MAST4: variants seen among roughly 807,000 people sequenced by gnomAD.
The protein encoded by MAST4 is microtubule associated serine/threonine kinase family member 4, also known as microtubule-associated serine/threonine-protein kinase 4.
A neutral mutation model predicts 162.7 loss-of-function variants in MAST4; 89 were observed. That is an observed-to-expected ratio of 0.55 (90% CI 0.46 to 0.65). The LOEUF (loss-of-function observed/expected upper bound fraction) is 0.65, where lower values mean the gene tolerates loss of function less well. Among genes scored for constraint, MAST4 ranks in the 30% least tolerant of loss-of-function variants. The pLI is 0.00. For missense variants in MAST4, 3,153 were observed against 3,374.0 expected, an observed-to-expected ratio of 0.93 and a Z score of 1.62; for synonymous variants, 1,479 against 1,361.1, an observed-to-expected ratio of 1.09 and a Z score of -1.91.
At chr5:67,149,996 A>G (rs1771601008) in intron 24 of MAST4, among the ~76,000 whole-genome samples, 1 of 152,204 alleles carries the variant, frequency 6.6e-6, no homozygotes, top group African/African-American at 2.4e-5. Flanking sequence ...TGGAAAGCTA[A>G]GTATATAGTT....
chr5:66,915,121 G>A (rs930810579), intron 4 of MAST4, among the ~76,000 whole-genome samples: 4 of 151,874 alleles, frequency 2.6e-5, no homozygotes, highest in South Asian at 4.2e-4. Flanking sequence ...AAAATTAGCC[G>A]GGCATGGGGT....
chr5:66,770,984 G>C (rs1362518855), intron 2 of MAST4, among the ~76,000 whole-genome samples: 1 of 152,138 alleles, frequency 6.6e-6, no homozygotes, highest in Non-Finnish European at 1.5e-5. Flanking sequence ...AAAATACTCA[G>C]ATACAGCTAA....
chr5:67,079,630 T>C (rs1192067377), intron 5 of MAST4, among the ~76,000 whole-genome samples: 1 of 152,186 alleles, frequency 6.6e-6, no homozygotes, highest in East Asian at 1.9e-4. Context: ...TTTGAATTTT[T>C]TTCCATGTAT....
intron 4 of MAST4, among the ~76,000 whole-genome samples, chr5:67,035,595 G>A (rs1755914970): frequency 6.6e-6 from 1 of 152,114 alleles, no homozygotes; most frequent in Non-Finnish European, 1.5e-5. Flanking sequence ...AGCCCACATG[G>A]AGTGATGTTG....
chr5:66,623,329 A>G (rs1744196966), intron 1 of MAST4, among the ~76,000 whole-genome samples: 1 of 152,232 alleles, frequency 6.6e-6, no homozygotes. Context: ...CCAGACAAAG[A>G]CACCACAAGA....
At chr5:66,903,703 G>T (rs1174124867) in intron 4 of MAST4, among the ~76,000 whole-genome samples, 2 of 152,190 alleles carry the variant, frequency 1.3e-5, no homozygotes, top group African/African-American at 4.8e-5. Context: ...CTTAGCTTCA[G>T]AACTAGATTT....
chr5:66,734,982 G>C (rs1455561803), intron 1 of MAST4, among the ~76,000 whole-genome samples: 2 of 152,184 alleles, frequency 1.3e-5, no homozygotes, highest in African/African-American at 4.8e-5. Context: ...GTATCCAAGA[G>C]CCTGTCTTAG....
In MAST4 at chr5:66,788,113, C is replaced by T. The variant is rs956633680; in HGVS notation, c.518-557C>T. 2.0e-5 allele frequency among the ~76,000 whole-genome samples: 3 copies of T among 152,144 alleles called. No individual in the cohort carries two copies. In the East Asian group the frequency reaches 5.8e-4, roughly 29 times the overall value. On this transcript the variant is annotated intron_variant, in intron 2 of 28. Coordinates refer to ENST00000403625, the MANE Select transcript of MAST4 (RefSeq NM_001164664.2). ...ACTGACATTGATGTCCTGATTTATGCAAATGGATATGATTATGTATCCCAC... is the reference window on the plus strand; with the variant it reads ...ACTGACATTGATGTCCTGATTTATGTAAATGGATATGATTATGTATCCCAC...
At chr5:66,852,823 CT>C (rs1487814461) in intron 3 of MAST4, among the ~76,000 whole-genome samples, 1 of 152,190 alleles carries the variant, frequency 6.6e-6, no homozygotes, top group South Asian at 2.1e-4. Flanking sequence ...TGTAAACTAT[CT>C]TCCCTCCCTA....
At chr5:67,079,148 G>A (rs1189255166) in intron 5 of MAST4, among the ~76,000 whole-genome samples, 1 of 150,334 alleles carries the variant, frequency 6.7e-6, no homozygotes, top group African/African-American at 2.4e-5. Flanking sequence ...TAGGAATTTA[G>A]CTCTTGGAAG....
At chr5:66,640,935 C>T (rs547008381) in intron 1 of MAST4, among the ~76,000 whole-genome samples, 5 of 152,254 alleles carry the variant, frequency 3.3e-5, no homozygotes, top group South Asian at 4.1e-4. Flanking sequence ...GATGATATCT[C>T]ATTGTGGTTT....
At chr5:66,835,661 TTTG>T in intron 3 of MAST4, among the ~76,000 whole-genome samples, 1 of 152,200 alleles carries the variant, frequency 6.6e-6, no homozygotes, top group Middle Eastern at 3.2e-3. Flanking sequence ...CACCAATCAT[TTTG>T]TTGTTAGCAC....
At chr5:66,971,287 C>G (rs1747405983) in intron 4 of MAST4, among the ~76,000 whole-genome samples, 1 of 151,826 alleles carries the variant, frequency 6.6e-6, no homozygotes, top group African/African-American at 2.4e-5. Flanking sequence ...CTAGGTGATG[C>G]AAAAAAAGGT....
intron 4 of MAST4, among the ~76,000 whole-genome samples, chr5:66,981,357 A>C (rs1246718347): frequency 1.3e-5 from 2 of 152,258 alleles, no homozygotes; most frequent in Non-Finnish European, 2.9e-5. Context: ...TCTCTACTTT[A>C]GGAATGGCTA....
chr5:66,815,602 CAAAT>C (rs1336046422), intron 3 of MAST4, among the ~76,000 whole-genome samples: 2 of 152,110 alleles, frequency 1.3e-5, no homozygotes, highest in Non-Finnish European at 2.9e-5. Flanking sequence ...TTTCAGAAGA[CAAAT>C]AACGTTTTTA....
At chr5:66,837,048 G>GTGTGTGTGTGTGTGTGTA (rs1758023705) in intron 3 of MAST4, among the ~76,000 whole-genome samples, 1 of 151,914 alleles carries the variant, frequency 6.6e-6, no homozygotes, top group African/African-American at 2.4e-5. Flanking sequence ...GTGTGTGTGT[G>GTGTGTGTGTGTGTGTGTA]TGTGTATGTA....
intron 4 of MAST4, among the ~76,000 whole-genome samples, chr5:66,978,462 A>T (rs1185950826): frequency 1.3e-5 from 2 of 152,236 alleles, no homozygotes; most frequent in African/African-American, 4.8e-5. Context: ...GGATACCAAG[A>T]AGAGAAGATG....
At chr5:67,101,507 G>A (rs1457459308) in intron 8 of MAST4, among the ~76,000 whole-genome samples, 1 of 152,188 alleles carries the variant, frequency 6.6e-6, no homozygotes, top group Admixed American at 6.5e-5. Flanking sequence ...TTGAAGGAGG[G>A]ATCAGGATAG....
rs34170881 is a variant in MAST4 at position 66,689,115 on chromosome 5, CTTT to C, written c.364-70585_364-70583del. Among the ~76,000 whole-genome samples, 6 of 150,824 alleles carry C rather than the reference CTTT, an allele frequency of 4.0e-5. No individual in the cohort carries two copies. The South Asian group carries it at 1.0e-3, about 26-fold the overall frequency. On this transcript the variant is annotated intron_variant, in intron 1 of 28. Transcript: ENST00000403625. ...AGTAACTGTCTTGCTTAAACAGTTC[CTTT>C]TTTTTTTTGCAATTTAAGCTTTAGT...
Sources: allele counts gnomAD v4.1 joint callset (sites outside exome capture counted in the v4.1 genomes callset), GRCh38; gene constraint gnomAD v4.1.1; transcripts MANE v1.5; gene names NCBI Gene and HGNC (gene_info 2026-07-23, HGNC 2026-07-21).